The following MBP variants were observed in gnomAD, a reference collection of about 807,000 sequenced individuals.
MBP encodes the protein Golli-MBP.
MBP carries 16 observed loss-of-function variants against 35.8 expected under a neutral mutation model. The observed-to-expected ratio is 0.45, with a 90% CI of 0.30 to 0.68. MBP has a LOEUF of 0.68. Among genes scored for constraint, MBP ranks in the 30% least tolerant of loss-of-function variants. The probability of loss-of-function intolerance (pLI) is 0.08; values close to 1 mark genes in which losing one functional copy is unlikely to be tolerated. For missense variants in MBP, 380 were observed against 404.7 expected, an observed-to-expected ratio of 0.94 and a Z score of 0.52; for synonymous variants, 143 against 159.6, an observed-to-expected ratio of 0.90 and a Z score of 0.78.
At chr18:77,058,599 AGAAACGAAATCGTG>A (rs894546209) in intron 3 of MBP, among the ~76,000 whole-genome samples, 67 of 152,322 alleles carry the variant, frequency 4.4e-4, no homozygotes, top group Non-Finnish European at 2.8e-4. Context: ...CAGCACTTTA[AGAAACGAAATCGTG>A]GACGCACTTG....
At chr18:77,030,362 C>A (rs1004445408) in intron 3 of MBP, among the ~76,000 whole-genome samples, 1 of 152,160 alleles carries the variant, frequency 6.6e-6, no homozygotes, top group Admixed American at 6.5e-5. Flanking sequence ...AACAGGGCAG[C>A]CACTTCTGAG....
rs763874299 is a variant in MBP, at chr18:77,105,204, G to A, written c.51+7C>T. 20 of 1,612,598 alleles carry A rather than the reference G, an allele frequency of 1.2e-5. No individual in the cohort carries two copies. The highest frequency in any genetic ancestry group is 3.3e-4 in the Middle Eastern group (2 of 6,074). ...ATGCACATGTTTCGGATCAGCTCAC[G>A]TCTTACCGTACTGGCCTTCTCGGCA... is the stretch of plus-strand genomic sequence containing the variant. On this transcript the variant is annotated splice_region_variant and intron_variant, in intron 2 of 8. Coordinates refer to ENST00000355994, the MANE Select transcript of MBP (RefSeq NM_001025101.2).
At chr18:77,059,580 A>C (rs1249649329) in intron 3 of MBP, among the ~76,000 whole-genome samples, 4 of 152,028 alleles carry the variant, frequency 2.6e-5, no homozygotes, top group Non-Finnish European at 5.9e-5. Flanking sequence ...AATTTGACAT[A>C]TGTGTAACAC....
chr18:76,984,515 G>A lies in MBP; in HGVS notation c.870+260C>T, dbSNP rs190301738. 36 of 459,358 alleles carry A rather than the reference G, an allele frequency of 7.8e-5. No individual in the cohort carries two copies. In the East Asian group the frequency reaches 1.4e-3, roughly 18 times the overall value. 28.5% of individuals were successfully genotyped at this position (459,358 alleles called of 1,614,324 possible). A position where few individuals can be genotyped will look rare whatever the true frequency, so the allele number is the denominator to read the frequency against. On this transcript the variant is annotated intron_variant, in intron 8 of 8. Coordinates refer to ENST00000355994, the MANE Select transcript of MBP (RefSeq NM_001025101.2). ...CCCTGCCCCAGAGTCAAGGTCAGTC[G>A]CCTGCTCCAGGGCCCCTGAACCAGC...
At position 77,042,341 on chromosome 18, in the gene MBP, A is replaced by G. The variant is rs145939116; in HGVS notation, c.139+23957T>C. Among the ~76,000 whole-genome samples the G allele has an allele frequency of 4.6e-3, 702 of 152,322 alleles. 10 individuals carry two copies. The highest frequency in any genetic ancestry group is 0.016 in the African/African-American group (657 of 41,564). ...GGGGATCTGACTCTCAGCCCTGGGC[A>G]CCACGCTTTGAGCCCATGGCGTGTC... is the stretch of plus-strand genomic sequence containing the variant. On this transcript the variant is annotated intron_variant, in intron 3 of 8. Transcript: ENST00000355994.
chr18:77,082,431 T>C (rs1974989023), intron 2 of MBP, among the ~76,000 whole-genome samples: 1 of 152,186 alleles, frequency 6.6e-6, no homozygotes, highest in Admixed American at 6.5e-5. Flanking sequence ...CATTAGTTGT[T>C]ATCTTGGGTT....
At chr18:77,084,620 C>G (rs947288830) in intron 2 of MBP, among the ~76,000 whole-genome samples, 5 of 152,156 alleles carry the variant, frequency 3.3e-5, no homozygotes, top group Non-Finnish European at 7.3e-5. Flanking sequence ...CTTCTCTCAC[C>G]TCCCGGAATG....
intron 4 of MBP, among the ~76,000 whole-genome samples, chr18:77,012,584 C>T (rs1461456853): frequency 6.6e-6 from 1 of 151,894 alleles, no homozygotes; most frequent in Non-Finnish European, 1.5e-5. Flanking sequence ...TGAGAGAAGA[C>T]AGTAAAATGT....
rs538091587 is a variant in MBP at position 77,051,848 on chromosome 18, A to G, written c.139+14450T>C. 4.6e-5 allele frequency among the ~76,000 whole-genome samples: 7 copies of G among 152,194 alleles called. No individual in the cohort carries two copies. The East Asian group carries it at 1.2e-3, about 25-fold the overall frequency. On this transcript the variant is annotated intron_variant, in intron 3 of 8. Coordinates refer to ENST00000355994, the MANE Select transcript of MBP (RefSeq NM_001025101.2). ...AAACCTGCATGTAACAGTGGGCTTA[A>G]TTTTCCCTTTTTTTAACACCTTGTT...
intron 2 of MBP, among the ~76,000 whole-genome samples, chr18:77,104,714 T>C (rs1396080714): frequency 6.6e-6 from 1 of 151,600 alleles, no homozygotes; most frequent in Admixed American, 6.6e-5. Flanking sequence ...TGGAAATACC[T>C]TTTTCTAAAA....
At chr18:77,059,139 T>C (rs1222020496) in intron 3 of MBP, among the ~76,000 whole-genome samples, 1 of 152,198 alleles carries the variant, frequency 6.6e-6, no homozygotes, top group African/African-American at 2.4e-5. Flanking sequence ...AAAACCCTAC[T>C]GAAATCAAAG....
chr18:77,073,645 T>G (rs1974538161), intron 2 of MBP, among the ~76,000 whole-genome samples: 3 of 152,224 alleles, frequency 2.0e-5, no homozygotes, highest in Admixed American at 2.0e-4. Flanking sequence ...AGATAGACAC[T>G]CTCTCTATCT....
At chr18:77,127,577 A>G (rs1012430839) in intron 1 of MBP, 4 of 152,242 alleles carry the variant, frequency 2.6e-5, no homozygotes, top group African/African-American at 9.6e-5. Context: ...CTTTCTGCAA[A>G]GGACTCTGTG....
intron 3 of MBP, among the ~76,000 whole-genome samples, chr18:77,021,693 C>G (rs1971994111): frequency 6.6e-6 from 1 of 152,094 alleles, no homozygotes; most frequent in Non-Finnish European, 1.5e-5. Context: ...CTATGTTGGC[C>G]AGGCTGGTCT....
intron 2 of MBP, among the ~76,000 whole-genome samples, chr18:77,077,721 A>G (rs1974721023): frequency 6.6e-6 from 1 of 152,176 alleles, no homozygotes; most frequent in African/African-American, 2.4e-5. Flanking sequence ...CTACACTCTC[A>G]CAGGTGACTC....
At chr18:77,100,362 T>C (rs1975947650) in intron 2 of MBP, among the ~76,000 whole-genome samples, 1 of 152,174 alleles carries the variant, frequency 6.6e-6, no homozygotes, top group South Asian at 2.1e-4. Flanking sequence ...ACAGAAGAAA[T>C]GTCGGTCTTT....
At chr18:76,984,665 G>A in intron 8 of MBP, 110 bp downstream of exon 8, 1 of 1,466,320 alleles carries the variant, frequency 6.8e-7, no homozygotes, top group Non-Finnish European at 9.5e-7. Context: ...GCACGTCCAG[G>A]GTACAGTGCG....
Position 77,102,662 on chromosome 18 carries a change from A to C in MBP, c.51+2549T>G, listed in dbSNP as rs999602030. On this transcript the variant is annotated intron_variant, in intron 2 of 8. Transcript: ENST00000355994. The surrounding 1 kb of genome is among the most constrained non-coding windows in gnomAD (Gnocchi z 4.4). ...TCAAAATCTTACTCTGATAGCATTA[A>C]ACAAATTAAAAACATATGTGGGTGT... Among the ~76,000 whole-genome samples, 1 of 152,256 alleles carries C rather than the reference A, an allele frequency of 6.6e-6. No homozygotes were observed. The highest frequency in any genetic ancestry group is 2.4e-5 in the African/African-American group (1 of 41,478).
chr18:76,996,960 G>A (rs778750775), intron 4 of MBP, among the ~76,000 whole-genome samples: 4 of 152,176 alleles, frequency 2.6e-5, no homozygotes, highest in Non-Finnish European at 5.9e-5. Flanking sequence ...CAAATTTTCT[G>A]ATTGGCAGTC....
Sources: allele counts gnomAD v4.1 joint callset (sites outside exome capture counted in the v4.1 genomes callset), GRCh38; gene constraint gnomAD v4.1.1; non-coding constraint Gnocchi (gnomAD v3.1); transcripts MANE v1.5; gene names NCBI Gene and HGNC (gene_info 2026-07-23, HGNC 2026-07-21).